Variants in DIS3L2 observed in about 807,000 individuals in gnomAD.
The protein encoded by DIS3L2 is DIS3 like 3'-5' exoribonuclease 2, also known as DIS3-like exonuclease 2.
A neutral mutation model predicts 97.5 loss-of-function variants in DIS3L2; 34 were observed. The observed-to-expected ratio is 0.35, with a 90% CI of 0.27 to 0.46. The LOEUF is 0.46. Ranked by LOEUF, DIS3L2 falls within the 20% of genes least tolerant of loss-of-function variation. The probability of loss-of-function intolerance (pLI) is 1.00; values close to 1 mark genes in which losing one functional copy is unlikely to be tolerated. For synonymous variants in DIS3L2, 435 were observed against 445.2 expected (o/e 0.98, Z 0.29); for missense variants, 1,038 against 1,146.0 (o/e 0.91, Z 1.36).
At chr2:232,247,616 C>CGGTGGGGGGGG (rs1559173558) in intron 11 of DIS3L2, among the ~76,000 whole-genome samples, 3 of 6,524 alleles carry the variant, frequency 4.6e-4, no homozygotes, top group Non-Finnish European at 1.3e-3. Flanking sequence ...ATAACTGCCG[C>CGGTGGGGGGGG]GGGGGGGGGG....
At chr2:231,966,176 T>A (rs1574769286) in intron 1 of DIS3L2, among the ~76,000 whole-genome samples, 1 of 150,566 alleles carries the variant, frequency 6.6e-6, no homozygotes, top group East Asian at 2.0e-4. Flanking sequence ...TTCTTCTTTT[T>A]TTTTTTTTTT....
chr2:232,202,390 C>G (rs994216344), intron 9 of DIS3L2, among the ~76,000 whole-genome samples: 1 of 152,070 alleles, frequency 6.6e-6, no homozygotes, highest in Non-Finnish European at 1.5e-5. Context: ...GAGCAAGACT[C>G]CATCTCAAAA....
rs770930869 is a variant in DIS3L2 at position 232,334,002 on chromosome 2, C to T, written c.2158+15C>T. On this transcript the variant is annotated intron_variant, in intron 17 of 20. Coordinates refer to ENST00000325385, the MANE Select transcript of DIS3L2 (RefSeq NM_152383.5). Reference sequence around the variant, plus strand: ...TGCCGCGTTAGGTGAGGGGTGCAGTCGGGGTCAGGGCAGACCTGGGCCAGC... The same window carrying T: ...TGCCGCGTTAGGTGAGGGGTGCAGTTGGGGTCAGGGCAGACCTGGGCCAGC... 7 of 1,574,492 alleles carry T rather than the reference C, an allele frequency of 4.4e-6. No individual in the cohort carries two copies. The highest frequency in any genetic ancestry group is 2.4e-5 in the East Asian group (1 of 41,828).
intron 13 of DIS3L2, among the ~76,000 whole-genome samples, chr2:232,263,866 G>A (rs991204361): frequency 1.1e-4 from 16 of 151,928 alleles, no homozygotes; most frequent in African/African-American, 3.9e-4. Context: ...CTGATACGAA[G>A]GCTTGGAAAA....
chr2:232,334,213 G>A (rs1407448805), intron 17 of DIS3L2, among the ~76,000 whole-genome samples, 156 bp from the exon 18 acceptor site: 1 of 152,196 alleles, frequency 6.6e-6, no homozygotes, highest in Non-Finnish European at 1.5e-5. Flanking sequence ...GGAGGAGGGC[G>A]CTGACCTCGA....
At chr2:232,014,382 G>C (rs1694294487) in intron 1 of DIS3L2, among the ~76,000 whole-genome samples, 1 of 152,170 alleles carries the variant, frequency 6.6e-6, no homozygotes, top group Non-Finnish European at 1.5e-5. Flanking sequence ...CTAAGGAATT[G>C]ACTTACTTGG....
chr2:232,025,270 T>TA (rs1329682947), intron 4 of DIS3L2, among the ~76,000 whole-genome samples: 18 of 152,098 alleles, frequency 1.2e-4, no homozygotes. Flanking sequence ...ATTACATACT[T>TA]ACACTGAAAT....
At chr2:232,176,796 T>TTA (rs1559706524) in intron 9 of DIS3L2, among the ~76,000 whole-genome samples, 5 of 149,102 alleles carry the variant, frequency 3.4e-5, no homozygotes, top group Non-Finnish European at 5.9e-5. Context: ...TTAATTAATT[T>TTA]ATTATTATTA....
intron 15 of DIS3L2, 97 bp downstream of exon 15, chr2:232,330,093 G>A: frequency 7.1e-7 from 1 of 1,418,318 alleles, no homozygotes. Context: ...CTTCCCCCCA[G>A]AGTCCCTCCC....
intron 6 of DIS3L2, among the ~76,000 whole-genome samples, chr2:232,099,745 TC>T (rs994371058): frequency 6.6e-6 from 1 of 152,230 alleles, no homozygotes; most frequent in Non-Finnish European, 1.5e-5. Context: ...GCTGTTTTAA[TC>T]CCTATTATAC....
Position 232,263,371 on chromosome 2 carries a change from G to C in DIS3L2, c.1590G>C (p.Leu530Phe). The C allele has an allele frequency of 6.2e-7, 1 of 1,614,178 alleles. No individual in the cohort carries two copies. Among genetic ancestry groups the C allele is most frequent in the South Asian group, 1.1e-5 (1 of 91,070 alleles). ...HSSEEVHQAV[L>F]NLHGIAKQLR... Reference sequence around the variant, plus strand: ...GCGAGGAGGTACACCAGGCCGTCTTGAATCTCCACGGAATTGCCAAGCAGT... The same window carrying C: ...GCGAGGAGGTACACCAGGCCGTCTTCAATCTCCACGGAATTGCCAAGCAGT... The change falls in exon 13 of 21, where the codon TTG (leucine) becomes TTC (phenylalanine). Residue 530 changes from leucine to phenylalanine, a missense_variant. Transcript: ENST00000325385.
At chr2:231,984,174 G>A (rs1693343122) in intron 1 of DIS3L2, among the ~76,000 whole-genome samples, 2 of 151,654 alleles carry the variant, frequency 1.3e-5, no homozygotes, top group African/African-American at 4.8e-5. Context: ...CAAATAGCAG[G>A]CTTTTCCTAT....
chr2:232,086,168 CGT>C (rs1696578589), intron 5 of DIS3L2, among the ~76,000 whole-genome samples: 1 of 151,252 alleles, frequency 6.6e-6, no homozygotes, highest in African/African-American at 2.4e-5. Context: ...GTGCTTTATA[CGT>C]ATATACGTAT....
At chr2:232,079,630 AGAAAAGAAAGTAAAGCT>A (rs1249368981) in intron 5 of DIS3L2, among the ~76,000 whole-genome samples, 6 of 149,006 alleles carry the variant, frequency 4.0e-5, no homozygotes, top group East Asian at 3.9e-4. Context: ...AAAAAAGTAA[AGAAAAGAAAGTAAAGCT>A]GGATAAGGGG....
At chr2:232,094,732 A>AAG (rs1553606811) in intron 6 of DIS3L2, among the ~76,000 whole-genome samples, 11 of 150,714 alleles carry the variant, frequency 7.3e-5, no homozygotes, top group East Asian at 3.9e-4. Context: ...AAAAAAAAAA[A>AAG]AAAGAAAGAA....
chr2:232,092,029 G>A (rs1329721521), intron 6 of DIS3L2, among the ~76,000 whole-genome samples: 1 of 152,156 alleles, frequency 6.6e-6, no homozygotes, highest in African/African-American at 2.4e-5. Context: ...ATAGTTTGAT[G>A]TCTTAGATTT....
intron 5 of DIS3L2, among the ~76,000 whole-genome samples, chr2:232,044,332 A>G (rs1184325171): frequency 6.6e-6 from 1 of 152,172 alleles, no homozygotes; most frequent in African/African-American, 2.4e-5. Context: ...CCAGTGAGAG[A>G]TGAAGTCACA....
Position 232,163,509 on chromosome 2 carries a change from A to G in DIS3L2, c.1001A>G (p.Glu334Gly). Reference protein sequence around the residue: ...GQAGEIEPETEGILTEYGVDF... With the variant: ...GQAGEIEPETGGILTEYGVDF... ...GCTGGTGAAATTGAGCCTGAAACAG[A>G]AGGAATACTAACAGAGTATGGCGTG... Residue 334 changes from glutamate to glycine, a missense_variant, in exon 9 of 21, where the codon GAA becomes GGA. By Grantham distance (98) the Glu-to-Gly change is moderately conservative. This residue lies in a region of DIS3L2 where 813 missense variants were observed against 880.1 expected (regional missense o/e 0.92). Transcript: ENST00000325385. 1 of 1,614,172 alleles carries G rather than the reference A, an allele frequency of 6.2e-7. No individual in the cohort carries two copies. Among genetic ancestry groups the G allele is most frequent in the Non-Finnish European group, 8.5e-7 (1 of 1,180,006 alleles).
chr2:232,300,167 T>G, intron 14 of DIS3L2, 48 bp downstream of exon 14: 1 of 1,566,186 alleles, frequency 6.4e-7, no homozygotes, highest in Non-Finnish European at 8.8e-7. Flanking sequence ...TGTGCAGCAG[T>G]GGTGCCTGTG....
Sources: gnomAD v4.1 joint callset for allele counts (sites outside exome capture counted in the v4.1 genomes callset) on GRCh38, gnomAD v4.1.1 for gene constraint, gnomAD v4.1.1 regional missense constraint, MANE v1.5 for transcripts, NCBI Gene and HGNC (gene_info 2026-07-23, HGNC 2026-07-21) for gene names.